Variants in SGCD observed in about 807,000 individuals in gnomAD.
SGCD encodes the protein sarcoglycan delta.
In SGCD, 18 loss-of-function variants were observed where a neutral mutation model predicts 36.6. The observed-to-expected ratio is 0.49, with a 90% CI of 0.34 to 0.73. The LOEUF (loss-of-function observed/expected upper bound fraction) is 0.73. Among genes scored for constraint, SGCD ranks in the 30% least tolerant of loss-of-function variants. The pLI, the probability that SGCD is intolerant of heterozygous loss-of-function variation, is 0.01. For missense variants in SGCD, 387 were observed against 346.7 expected (o/e 1.12, Z -0.92); for synonymous variants, 133 against 130.6 (o/e 1.02, Z -0.12).
intron 3 of SGCD, among the ~76,000 whole-genome samples, chr5:156,368,174 C>T (rs1353432573): frequency 6.6e-6 from 1 of 152,020 alleles, no homozygotes; most frequent in East Asian, 1.9e-4. Flanking sequence ...TCACTGCAAC[C>T]TCTGCCTCCC....
At chr5:156,725,864 G>C (rs1030748162) in intron 7 of SGCD, among the ~76,000 whole-genome samples, 4 of 152,144 alleles carry the variant, frequency 2.6e-5, no homozygotes, top group African/African-American at 9.7e-5. Context: ...CAAACTTTCT[G>C]CTTTCCAATC....
chr5:156,323,308 A>T (rs1767721362), upstream of SGCD, among the ~76,000 whole-genome samples: 1 of 152,152 alleles, frequency 6.6e-6, no homozygotes, highest in Non-Finnish European at 1.5e-5. Context: ...TCAGCACCAC[A>T]CTCAAGGAGG....
At chr5:156,428,635 CTGTT>C (rs1441792922) in intron 3 of SGCD, among the ~76,000 whole-genome samples, 1 of 151,922 alleles carries the variant, frequency 6.6e-6, no homozygotes, top group Non-Finnish European at 1.5e-5. Context: ...CTTAGATTGT[CTGTT>C]TGTGATCTTT....
intron 1 of SGCD, among the ~76,000 whole-genome samples, chr5:155,924,127 T>C (rs1176768913): frequency 6.6e-6 from 1 of 152,202 alleles, no homozygotes; most frequent in African/African-American, 2.4e-5. Context: ...TTGTCCTTCT[T>C]GTTATTGTCT....
chr5:156,496,368 A>G (rs1214423213), intron 3 of SGCD, among the ~76,000 whole-genome samples: 1 of 152,122 alleles, frequency 6.6e-6, no homozygotes, highest in Admixed American at 6.6e-5. Context: ...GTGTAGAAGT[A>G]TACAGCAATT....
At chr5:155,964,478 A>G (rs1337907730) in intron 1 of SGCD, among the ~76,000 whole-genome samples, 1 of 151,974 alleles carries the variant, frequency 6.6e-6, no homozygotes, top group Non-Finnish European at 1.5e-5. Context: ...AGGTGGGATT[A>G]CAGGCACCCA....
chr5:156,713,568 C>T (rs1227094460), intron 7 of SGCD, among the ~76,000 whole-genome samples: 1 of 152,170 alleles, frequency 6.6e-6, no homozygotes, highest in Non-Finnish European at 1.5e-5. Flanking sequence ...CAGACTTCAG[C>T]CTCCTTTTCC....
At chr5:156,213,148 CAT>C (rs1453267118) in intron 3 of SGCD, among the ~76,000 whole-genome samples, 1 of 151,674 alleles carries the variant, frequency 6.6e-6, no homozygotes, top group African/African-American at 2.4e-5. Context: ...AAATAATAAA[CAT>C]GAGAGCAAAA....
chr5:156,524,821 G>C (rs1299083623), intron 4 of SGCD, among the ~76,000 whole-genome samples: 3 of 152,002 alleles, frequency 2.0e-5, no homozygotes, highest in Non-Finnish European at 4.4e-5. Flanking sequence ...CTACATAAAA[G>C]TGAGACTATG....
At chr5:155,864,509 A>G in the SGCD span, among the ~76,000 whole-genome samples, 3 of 152,234 alleles carry the variant, frequency 2.0e-5, no homozygotes, top group Non-Finnish European at 2.9e-5. Flanking sequence ...TTAAAAAAAA[A>G]GGAGGGCTAG....
intron 1 of SGCD, among the ~76,000 whole-genome samples, chr5:155,953,122 G>A (rs1757577509): frequency 6.6e-6 from 1 of 152,006 alleles, no homozygotes; most frequent in Non-Finnish European, 1.5e-5. Context: ...TACTCTTCCT[G>A]AGCAAGCCAT....
chr5:155,755,189 T>A, the SGCD span, among the ~76,000 whole-genome samples: 1 of 152,220 alleles, frequency 6.6e-6, no homozygotes, highest in Non-Finnish European at 1.5e-5. Flanking sequence ...TAACTTTAAT[T>A]TACTGAAATT....
chr5:156,135,717 G>A (rs574689394), intron 3 of SGCD, among the ~76,000 whole-genome samples: 1 of 152,246 alleles, frequency 6.6e-6, no homozygotes, highest in South Asian at 2.1e-4. Flanking sequence ...TCTGAAACAT[G>A]TTGCTACATA....
intron 7 of SGCD, among the ~76,000 whole-genome samples, chr5:156,691,977 A>G (rs982514797): frequency 6.6e-6 from 1 of 152,154 alleles, no homozygotes. Flanking sequence ...TTAATATATC[A>G]TGATGAAAAG....
chr5:156,393,639 G>A, intron 3 of SGCD: 1 of 435,648 alleles, frequency 2.3e-6, no homozygotes, highest in Non-Finnish European at 4.6e-6. Flanking sequence ...CATAGTGAGA[G>A]TATTTACACC....
At chr5:156,521,568 T>G (rs1386588742) in intron 4 of SGCD, among the ~76,000 whole-genome samples, 2 of 152,170 alleles carry the variant, frequency 1.3e-5, no homozygotes, top group African/African-American at 4.8e-5. Context: ...AAAAGAAGGA[T>G]GCATGTCGCC....
chr5:156,344,798 G>A lies in SGCD; in HGVS notation c.192+121G>A, dbSNP rs114976142. On this transcript the variant is annotated intron_variant, in intron 3 of 8. Transcript: ENST00000337851. ...TAGGACTCAAAAAATCTGTAACCTC[G>A]TGTTTTGGTGAAAGAGCATTTCTGT... 1.9e-3 allele frequency: 1,294 copies of A among 673,808 alleles called. 19 individuals are homozygous for A. In the African/African-American group the frequency reaches 0.02, roughly 11 times the overall value. 41.7% of individuals were successfully genotyped at this position (673,808 alleles called of 1,614,324 possible).
the SGCD span, among the ~76,000 whole-genome samples, chr5:155,769,832 A>C: frequency 1.3e-5 from 2 of 152,138 alleles, no homozygotes; most frequent in Admixed American, 6.5e-5. Context: ...CTTCTAAAAC[A>C]CAGAGGTAGT....
At chr5:156,422,050 A>G (rs886395639) in intron 3 of SGCD, among the ~76,000 whole-genome samples, 3 of 152,090 alleles carry the variant, frequency 2.0e-5, no homozygotes, top group African/African-American at 4.8e-5. Context: ...AATGAAGGTC[A>G]GAAAGTTAAA....
Sources: gnomAD v4.1 joint callset for allele counts (sites outside exome capture counted in the v4.1 genomes callset) on GRCh38, gnomAD v4.1.1 for gene constraint, MANE v1.5 for transcripts, NCBI Gene and HGNC (gene_info 2026-07-23, HGNC 2026-07-21) for gene names.